The following LSS variants were observed in gnomAD, a reference collection of about 807,000 sequenced individuals.
The protein encoded by LSS is lanosterol synthase.
Under a neutral mutation model 110.3 loss-of-function variants are expected in LSS, and 90 were observed. The ratio of observed to expected loss-of-function variants is 0.82; its 90% CI spans 0.69 to 0.97. The LOEUF is 0.97. LSS is among the 50% of genes least tolerant of loss of function. The probability of loss-of-function intolerance (pLI) is 0.00; values close to 1 mark genes in which losing one functional copy is unlikely to be tolerated. For synonymous variants in LSS, 433 were observed against 400.0 expected, an observed-to-expected ratio of 1.08 and a Z score of -0.98; for missense variants, 927 against 990.0, an observed-to-expected ratio of 0.94 and a Z score of 0.85.
Position 46,216,380 on chromosome 21 carries a change from A to G in LSS, c.783+9T>C, listed in dbSNP as rs773883346. The G allele has an allele frequency of 3.1e-6, 5 of 1,613,492 alleles. No homozygotes were observed. Among genetic ancestry groups the G allele is most frequent in the Non-Finnish European group, 4.2e-6 (5 of 1,180,002 alleles). ...GAGGCCTTCACTTTGTTCCCTGATG[A>G]GGTCCTACCTGGCGGAGGCTCTGGA... On this transcript the variant is annotated intron_variant, in intron 7 of 21. Transcript: ENST00000397728. The surrounding 1 kb of genome is among the most constrained non-coding windows in gnomAD (Gnocchi z 4.2).
At chr21:46,211,761 A>C (rs371601938) in intron 11 of LSS, among the ~76,000 whole-genome samples, 1 of 152,182 alleles carries the variant, frequency 6.6e-6, no homozygotes, top group South Asian at 2.1e-4. Flanking sequence ...GGAACATAAG[A>C]AGCAACCAGT....
intron 3 of LSS, among the ~76,000 whole-genome samples, chr21:46,226,685 T>C (rs1240305951): frequency 4.6e-5 from 7 of 152,226 alleles, no homozygotes; most frequent in Non-Finnish European, 4.4e-5. Flanking sequence ...TGGAACTGTT[T>C]TTAACGTTAA....
intron 15 of LSS, 47 bp from the exon 16 acceptor site, chr21:46,206,815 A>G: frequency 2.8e-6 from 4 of 1,423,548 alleles, no homozygotes; most frequent in East Asian, 2.3e-5. Context: ...TGCTGAGCAC[A>G]CACAGGCGCC....
chr21:46,221,891 A>C lies in LSS; in HGVS notation c.513T>G (p.Pro171=). ...GAATGTTCCGGGCTCGTACCAGGTC[A>C]GGATCGTCAGGCCCAACACCCAGAA... The part of the protein sequence containing the change: ...LRILGVGPDD[P]DLVRARNILH... Residue 171 remains proline (P), a synonymous_variant, in exon 5 of 22, where the codon CCT becomes CCG. Coordinates refer to ENST00000397728, the MANE Select transcript of LSS (RefSeq NM_002340.6). 1 of 1,614,158 alleles carries C rather than the reference A, an allele frequency of 6.2e-7. No homozygotes were observed. The highest frequency in any genetic ancestry group is 8.5e-7 in the Non-Finnish European group (1 of 1,180,016).
intron 5 of LSS, among the ~76,000 whole-genome samples, chr21:46,220,867 GGCTTGGAGAGAAAGATAGTTGGC>G: frequency 1.3e-5 from 2 of 151,202 alleles, no homozygotes; most frequent in Admixed American, 6.6e-5. Context: ...GCCAGGCCAG[GGCTTGGAGAGAAAGATAGTTGGC>G]GCTTGGAGAG....
chr21:46,222,210 T>A, intron 4 of LSS: 1 of 563,416 alleles, frequency 1.8e-6, no homozygotes, highest in Non-Finnish European at 3.2e-6. Flanking sequence ...GCTCTACACC[T>A]TCCCACGCCT....
chr21:46,206,575 A>G (rs972042749), intron 16 of LSS, 97 bp downstream of exon 16: 6 of 1,040,308 alleles, frequency 5.8e-6, no homozygotes, highest in Admixed American at 3.5e-5. Flanking sequence ...GGGCCCTTGC[A>G]GCCTCGGGCA....
At chr21:46,219,913 G>A (rs2080253855) in intron 5 of LSS, among the ~76,000 whole-genome samples, 1 of 152,194 alleles carries the variant, frequency 6.6e-6, no homozygotes, top group Non-Finnish European at 1.5e-5. Flanking sequence ...GTGAGCGAGG[G>A]GCCCAGGTGC....
rs1185631942 is a variant in LSS, at chr21:46,206,762, TCAGCAGCTGAAATCA to T, written c.1468-9_1473del. On this transcript the variant is annotated splice_acceptor_variant and splice_polypyrimidine_tract_variant and coding_sequence_variant and intron_variant, in exon 16 of 22. Transcript: ENST00000397728. LOFTEE classifies it high-confidence loss of function. ...AACCCTCCATCTGGATTTCTCATGT[TCAGCAGCTGAAATCA>T]CAGAGAGCACCCTAGAACTCGCCCA... 1.2e-6 allele frequency: 2 copies of T among 1,611,064 alleles called. No individual in the cohort carries two copies. The highest frequency in any genetic ancestry group is 1.7e-6 in the Non-Finnish European group (2 of 1,179,776).
Position 46,190,861 on chromosome 21 carries a change from C to A in LSS, c.*243G>T. On this transcript the variant is annotated 3_prime_UTR_variant, in exon 22 of 22. Transcript: ENST00000397728. This position sits in a 1 kb window ranked among gnomAD's most constrained non-coding sequence, Gnocchi z 4.6. ...CTCCTCAGGGGTCACGGCTCCTGTG[C>A]CCCCTTCCTCACCCAAGCCCGACAA... is the stretch of plus-strand genomic sequence containing the variant. The A allele has an allele frequency of 1.9e-6, 1 of 536,756 alleles. No homozygotes were observed. The allele number at this position is 536,756 out of a possible 1,614,324, so 33.2% of individuals were successfully genotyped here. A position where few individuals can be genotyped will look rare whatever the true frequency, so the allele number is the denominator to read the frequency against.
intron 8 of LSS, 117 bp downstream of exon 8, chr21:46,215,568 G>A: frequency 1.4e-6 from 1 of 715,876 alleles, no homozygotes; most frequent in Non-Finnish European, 2.3e-6. Flanking sequence ...CGCCCCCTGG[G>A]GCCTGGCACA....
At position 46,192,661 on chromosome 21, in the gene LSS, G is replaced by A. The variant is rs141357375; in HGVS notation, c.1989-702C>T. 373 of 452,294 alleles carry A rather than the reference G, an allele frequency of 8.2e-4. 1 individual carries two copies. The highest frequency in any genetic ancestry group is 1.3e-3 in the Middle Eastern group (4 of 3,024). 28.0% of individuals were successfully genotyped at this position (452,294 alleles called of 1,614,324 possible). A position where few individuals can be genotyped will look rare whatever the true frequency, so the allele number is the denominator to read the frequency against. On this transcript the variant is annotated intron_variant, in intron 20 of 21. Transcript: ENST00000397728. ...TATGTGTGCACAGGTGCCTGTGCAT[G>A]TGTACATGTGTGCATAGACCTGTGT...
chr21:46,223,944 G>C (rs1325456416), intron 3 of LSS, among the ~76,000 whole-genome samples: 1 of 152,088 alleles, frequency 6.6e-6, no homozygotes, highest in South Asian at 2.1e-4. Flanking sequence ...CCCTTTCCCC[G>C]GGGGAATTTA....
Position 46,227,660 on chromosome 21 carries a change from G to GCA in LSS, c.210_211insTG (p.His71CysfsTer9). On this transcript the variant is annotated frameshift_variant, in exon 3 of 22. Transcript: ENST00000397728. LOFTEE classifies it high-confidence loss of function. ...TTCAGAGCCCCCTCAAAGGCGGTGT[G>GCA]GGCTTTGGGCAAGTCCTTAAAGTAA... is the stretch of plus-strand genomic sequence containing the variant. The GCA allele has an allele frequency of 6.2e-7, 1 of 1,613,826 alleles. No homozygotes were observed. Among genetic ancestry groups the GCA allele is most frequent in the South Asian group, 1.1e-5 (1 of 91,078 alleles).
chr21:46,211,396 A>T (rs530475656), intron 11 of LSS, among the ~76,000 whole-genome samples: 1,897 of 152,234 alleles, frequency 0.012, 46 homozygotes, highest in African/African-American at 0.043. Flanking sequence ...CCCAAAGTGT[A>T]GGGATTACAG....
chr21:46,191,247 C>T lies in LSS; in HGVS notation c.2068-12G>A. 1 of 1,613,920 alleles carries T rather than the reference C, an allele frequency of 6.2e-7. No individual in the cohort carries two copies. Among genetic ancestry groups the T allele is most frequent in the East Asian group, 2.2e-5 (1 of 44,876 alleles). On this transcript the variant is annotated splice_polypyrimidine_tract_variant and intron_variant, in intron 21 of 21. Transcript: ENST00000397728. ...CCAGCAATGTTTTCCTAAAAGAACA[C>T]AGAGAAATAAACACAAAGGCTTCAC... is the stretch of plus-strand genomic sequence containing the variant.
intron 17 of LSS, among the ~76,000 whole-genome samples, chr21:46,200,630 A>ATC (rs2079966750): frequency 6.6e-6 from 1 of 152,222 alleles, no homozygotes; most frequent in Non-Finnish European, 1.5e-5. Flanking sequence ...TGACAAAGTC[A>ATC]TCAAACACAA....
chr21:46,205,270 G>T (rs943159516), intron 17 of LSS, among the ~76,000 whole-genome samples: 2 of 148,352 alleles, frequency 1.3e-5, no homozygotes, highest in African/African-American at 5.1e-5. Context: ...GCTGTTACCC[G>T]AGCCACCTGA....
At chr21:46,200,366 T>G (rs934991479) in intron 17 of LSS, among the ~76,000 whole-genome samples, 1 of 152,140 alleles carries the variant, frequency 6.6e-6, no homozygotes, top group African/African-American at 2.4e-5. Flanking sequence ...GACGTTTACA[T>G]AGTCTAAAAC....
Sources: allele counts gnomAD v4.1 joint callset (sites outside exome capture counted in the v4.1 genomes callset), GRCh38; gene constraint gnomAD v4.1.1; non-coding constraint Gnocchi (gnomAD v3.1); transcripts MANE v1.5; gene names NCBI Gene and HGNC (gene_info 2026-07-23, HGNC 2026-07-21).